Variants in LBP observed in about 807,000 individuals in gnomAD.
LBP encodes lipopolysaccharide-binding protein.
A neutral mutation model predicts 56.6 loss-of-function variants in LBP; 53 were observed. The observed-to-expected ratio is 0.94, with a 90% CI of 0.75 to 1.18. LBP has a LOEUF of 1.18. Ranked by LOEUF, LBP falls within the 50% of genes most tolerant of loss-of-function variation. LBP has a pLI of 0.00. For missense variants in LBP, 601 were observed against 598.3 expected (o/e 1.00, Z -0.05); for synonymous variants, 227 against 247.5 (o/e 0.92, Z 0.78).
chr20:38,372,560 T>C (rs569104922), intron 12 of LBP, among the ~76,000 whole-genome samples: 2 of 152,260 alleles, frequency 1.3e-5, no homozygotes, highest in East Asian at 3.9e-4. Flanking sequence ...GCTGCCCAGT[T>C]TGTAGTAAGT....
intron 8 of LBP, among the ~76,000 whole-genome samples, chr20:38,365,439 G>A (rs1236826829): frequency 1.3e-5 from 2 of 151,838 alleles, no homozygotes; most frequent in East Asian, 3.9e-4. Context: ...GCTCATGCCT[G>A]TAATCCTCGC....
chr20:38,370,487 C>T (rs1430510405), intron 10 of LBP, among the ~76,000 whole-genome samples: 1 of 152,114 alleles, frequency 6.6e-6, no homozygotes, highest in East Asian at 1.9e-4. Context: ...TATACCTTCT[C>T]TTAGTAGTCT....
intron 11 of LBP, 61 bp from the exon 12 acceptor site, chr20:38,371,219 C>G: frequency 7.1e-7 from 1 of 1,405,044 alleles, no homozygotes; most frequent in Non-Finnish European, 1.0e-6. Flanking sequence ...TTCTGGGGAC[C>G]CCCGCATTGC....
chr20:38,376,368 G>A (rs918724467), intron 14 of LBP, among the ~76,000 whole-genome samples: 3 of 152,110 alleles, frequency 2.0e-5, no homozygotes, highest in Non-Finnish European at 1.5e-5. Flanking sequence ...TTTAGGTGAC[G>A]CAAAGGACAC....
intron 2 of LBP, among the ~76,000 whole-genome samples, chr20:38,350,079 G>T (rs929352014): frequency 1.3e-5 from 2 of 152,176 alleles, no homozygotes; most frequent in African/African-American, 4.8e-5. Flanking sequence ...TCCAGGAGAA[G>T]GTGGCATTTG....
chr20:38,346,946 G>C (rs2076803300), intron 1 of LBP, among the ~76,000 whole-genome samples: 1 of 152,120 alleles, frequency 6.6e-6, no homozygotes, highest in Admixed American at 6.6e-5. Flanking sequence ...AGGAAGGGAG[G>C]GCAGCCAGGA....
chr20:38,364,800 G>T (rs777377096), intron 8 of LBP, 48 bp downstream of exon 8: 4 of 1,515,922 alleles, frequency 2.6e-6, no homozygotes, highest in Non-Finnish European at 3.6e-6. Flanking sequence ...ATAACCTACC[G>T]CTCCTTCCTT....
intron 4 of LBP, among the ~76,000 whole-genome samples, 192 bp from the exon 5 acceptor site, chr20:38,355,154 G>A (rs6069848): frequency 0.036 from 5,545 of 152,328 alleles, 146 homozygotes; most frequent in South Asian, 0.073. Context: ...ATGTGATCAT[G>A]CGATTGGGTG....
At chr20:38,354,884 C>A (rs2076833164) in intron 4 of LBP, among the ~76,000 whole-genome samples, 1 of 152,130 alleles carries the variant, frequency 6.6e-6, no homozygotes, top group Non-Finnish European at 1.5e-5. Flanking sequence ...GAGTTCAAGA[C>A]CAGCCTGGGC....
In LBP at chr20:38,364,765, G is replaced by A; in HGVS notation, c.921+13G>A. On this transcript the variant is annotated intron_variant, in intron 8 of 14. Coordinates refer to ENST00000217407, the MANE Select transcript of LBP (RefSeq NM_004139.5). ...CACAGATGACATGGTGAGGATGGTGGCAAACAGGTCTCTCAAATGAACACA... is the reference window on the plus strand; with the variant it reads ...CACAGATGACATGGTGAGGATGGTGACAAACAGGTCTCTCAAATGAACACA... 6.3e-7 allele frequency: 1 copy of A among 1,595,102 alleles called. No individual in the cohort carries two copies. The highest frequency in any genetic ancestry group is 1.1e-5 in the South Asian group (1 of 86,996).
intron 1 of LBP, among the ~76,000 whole-genome samples, 194 bp downstream of exon 1, chr20:38,346,834 G>A (rs1165560899): frequency 6.6e-6 from 1 of 152,186 alleles, no homozygotes; most frequent in Non-Finnish European, 1.5e-5. Flanking sequence ...GTTATTTGTG[G>A]TAGTGAGGTC....
chr20:38,354,484 C>T, intron 4 of LBP, 45 bp downstream of exon 4: 1 of 1,564,212 alleles, frequency 6.4e-7, no homozygotes, highest in Non-Finnish European at 8.7e-7. Flanking sequence ...CTGGTTGCAG[C>T]TCCCGGCCAA....
chr20:38,371,171 C>T, intron 11 of LBP, 109 bp from the exon 12 acceptor site: 1 of 800,984 alleles, frequency 1.2e-6, no homozygotes, highest in South Asian at 1.6e-5. Context: ...CCCGCCCTAC[C>T]TTTGGCCCTG....
chr20:38,359,648 A>G (rs190949547), intron 5 of LBP, among the ~76,000 whole-genome samples: 58 of 152,328 alleles, frequency 3.8e-4, no homozygotes, highest in South Asian at 4.1e-4. Context: ...TACATAATAA[A>G]TAATTCGAGT....
intron 10 of LBP, 53 bp from the exon 11 acceptor site, chr20:38,370,685 T>C: frequency 6.7e-7 from 1 of 1,490,014 alleles, no homozygotes; most frequent in Non-Finnish European, 9.4e-7. Context: ...TCATCCTTCC[T>C]ATACATACAA....
intron 11 of LBP, 149 bp from the exon 12 acceptor site, chr20:38,371,131 A>G: frequency 1.6e-6 from 1 of 636,228 alleles, no homozygotes; most frequent in Non-Finnish European, 2.8e-6. Flanking sequence ...CACTGCTTTT[A>G]GTTCCTCAGT....
In LBP at chr20:38,372,994, G is replaced by GT. The variant is rs371301689; in HGVS notation, c.1261-74dup. ...TAATACTAGTTTGCTTTTCCCAAGC[G>GT]TTTTGCTATGTTGGCACACACAGAA... On this transcript the variant is annotated intron_variant, in intron 12 of 14. Coordinates refer to ENST00000217407, the MANE Select transcript of LBP (RefSeq NM_004139.5). 6.0e-4 allele frequency: 752 copies of GT among 1,243,312 alleles called. 1 individual carries two copies. Among genetic ancestry groups the GT allele is most frequent in the Non-Finnish European group, 8.4e-4 (708 of 846,360 alleles). The allele number at this position is 1,243,312 out of a possible 1,614,324, so 77.0% of individuals were successfully genotyped here.
chr20:38,351,074 TG>T (rs1449161973), intron 3 of LBP, 135 bp downstream of exon 3: 5 of 1,157,648 alleles, frequency 4.3e-6, no homozygotes, highest in Non-Finnish European at 6.0e-6. Flanking sequence ...GGAGGTGGCC[TG>T]GGGATTGAGT....
At chr20:38,370,874 T>C in intron 11 of LBP, 69 bp downstream of exon 11, 1 of 1,283,082 alleles carries the variant, frequency 7.8e-7, no homozygotes, top group Non-Finnish European at 1.1e-6. Context: ...GCTGCTTCTC[T>C]GTAGCTGGTG....
Sources: allele counts gnomAD v4.1 joint callset (sites outside exome capture counted in the v4.1 genomes callset), GRCh38; gene constraint gnomAD v4.1.1; transcripts MANE v1.5; gene names NCBI Gene and HGNC (gene_info 2026-07-23, HGNC 2026-07-21).